FAM3D: variants seen among roughly 807,000 people sequenced by gnomAD.
FAM3D encodes FAM3 metabolism regulating signaling molecule D.
FAM3D carries 26 observed loss-of-function variants against 29.8 expected under a neutral mutation model. That is an observed-to-expected ratio of 0.87 (90% confidence interval 0.64 to 1.21). The LOEUF (loss-of-function observed/expected upper bound fraction) is 1.21. FAM3D is among the 50% of genes most tolerant of loss of function. FAM3D has a pLI of 0.00. For synonymous variants in FAM3D, 115 were observed against 102.3 expected, an observed-to-expected ratio of 1.12 and a Z score of -0.75; for missense variants, 253 against 290.9, an observed-to-expected ratio of 0.87 and a Z score of 0.95.
intron 6 of FAM3D, among the ~76,000 whole-genome samples, chr3:58,640,845 G>T (rs531597494): frequency 6.6e-6 from 1 of 152,260 alleles, no homozygotes; most frequent in South Asian, 2.1e-4. Flanking sequence ...CGAGGCTTAC[G>T]GAGGAGGGTG....
rs149606198 is a variant in FAM3D, at chr3:58,654,579, A to C, written c.14-798T>G. ...CCTTTCTTTACAGGGACCGGAAAGC[A>C]GGCTCCATTTCACATCCCTGCTACC... On this transcript the variant is annotated intron_variant, in intron 2 of 9. Coordinates refer to ENST00000358781, the MANE Select transcript of FAM3D (RefSeq NM_138805.3). Among the ~76,000 whole-genome samples, 399 of 152,268 alleles carry C rather than the reference A, an allele frequency of 2.6e-3. 2 individuals carry two copies. The highest frequency in any genetic ancestry group is 9.1e-3 in the African/African-American group (377 of 41,564).
At chr3:58,653,130 A>G (rs1016477968) in intron 3 of FAM3D, among the ~76,000 whole-genome samples, 6 of 152,228 alleles carry the variant, frequency 3.9e-5, no homozygotes, top group Non-Finnish European at 7.3e-5. Flanking sequence ...CATAAAAACC[A>G]TAATGACAGA....
At chr3:58,664,437 C>T (rs1282618821) in intron 1 of FAM3D, among the ~76,000 whole-genome samples, 1 of 152,246 alleles carries the variant, frequency 6.6e-6, no homozygotes, top group East Asian at 1.9e-4. Context: ...TGCCCAGTTC[C>T]ATGCAGACTG....
chr3:58,648,407 C>T (rs1398995684), intron 4 of FAM3D, among the ~76,000 whole-genome samples: 1 of 152,024 alleles, frequency 6.6e-6, no homozygotes, highest in East Asian at 1.9e-4. Context: ...GGTGCTGCCT[C>T]TTGCAAAGAG....
intron 9 of FAM3D, 61 bp downstream of exon 9, chr3:58,636,233 C>T: frequency 6.3e-7 from 1 of 1,575,222 alleles, no homozygotes; most frequent in Non-Finnish European, 8.6e-7. Flanking sequence ...GTGACTCCTT[C>T]CTACCACCAC....
intron 5 of FAM3D, 27 bp from the exon 6 acceptor site, chr3:58,643,747 C>T (rs772219174): frequency 6.2e-7 from 1 of 1,611,742 alleles, no homozygotes; most frequent in African/African-American, 1.3e-5. Context: ...AGAAATATGA[C>T]AGTCGGTCCC....
chr3:58,643,785 CA>C, intron 5 of FAM3D, 65 bp from the exon 6 acceptor site: 1 of 1,502,492 alleles, frequency 6.7e-7, no homozygotes, highest in Non-Finnish European at 9.3e-7. Flanking sequence ...TCTGCTCTCC[CA>C]GCTGGGGAAC....
At chr3:58,638,440 C>A (rs1437015565) in intron 7 of FAM3D, among the ~76,000 whole-genome samples, 2 of 152,190 alleles carry the variant, frequency 1.3e-5, no homozygotes, top group African/African-American at 4.8e-5. Context: ...TGAGTAACAG[C>A]CCTGCTTATA....
At chr3:58,652,251 C>T (rs1281933110) in intron 3 of FAM3D, among the ~76,000 whole-genome samples, 2 of 152,202 alleles carry the variant, frequency 1.3e-5, no homozygotes, top group Non-Finnish European at 2.9e-5. Context: ...GAAACCACAT[C>T]AAGGATTGTG....
chr3:58,663,019 C>G lies in FAM3D; in HGVS notation c.-39+3557G>C, dbSNP rs111943135. Reference sequence around the variant, plus strand: ...GTTCAAGCGATTCTCCTGCCTCAGCCTCCCCAGTAGCTGGGACTACAGGCA... The same window carrying G: ...GTTCAAGCGATTCTCCTGCCTCAGCGTCCCCAGTAGCTGGGACTACAGGCA... On this transcript the variant is annotated intron_variant, in intron 1 of 9. Coordinates refer to ENST00000358781, the MANE Select transcript of FAM3D (RefSeq NM_138805.3). 3.6e-3 allele frequency among the ~76,000 whole-genome samples: 552 copies of G among 152,342 alleles called. 7 individuals are homozygous for G. The highest frequency in any genetic ancestry group is 0.013 in the African/African-American group (527 of 41,584).
chr3:58,645,457 GAAATA>G lies in FAM3D; in HGVS notation c.263+47_263+51del, dbSNP rs111621495. On this transcript the variant is annotated intron_variant, in intron 5 of 9. Transcript: ENST00000358781. ...CCTCTGAGTTTTTTAATGAATGAATGAAATAAAATAAAATAAAATAAAATAAACAT... is the reference window on the plus strand; with the variant it reads ...CCTCTGAGTTTTTTAATGAATGAATGAAATAAAATAAAATAAAATAAACAT... 1.4e-4 allele frequency: 170 copies of G among 1,189,194 alleles called. 1 individual carries two copies. The highest frequency in any genetic ancestry group is 3.7e-4 in the South Asian group (20 of 54,028). The allele number at this position is 1,189,194 out of a possible 1,614,324, so 73.7% of individuals were successfully genotyped here.
At chr3:58,662,697 C>T (rs1291763772) in intron 1 of FAM3D, among the ~76,000 whole-genome samples, 1 of 152,090 alleles carries the variant, frequency 6.6e-6, no homozygotes, top group African/African-American at 2.4e-5. Context: ...CATCTGTTCC[C>T]CCTTCTTCTG....
At position 58,653,573 on chromosome 3, in the gene FAM3D, T is replaced by C. The variant is rs1020997969; in HGVS notation, c.121+101A>G. On this transcript the variant is annotated intron_variant, in intron 3 of 9. Coordinates refer to ENST00000358781, the MANE Select transcript of FAM3D (RefSeq NM_138805.3). ...GCTGGGGTCCCAAAGGCAGCACAGC[T>C]TGTCATGTCTCCTGGGTCACCTAGG... 40 of 1,138,234 alleles carry C rather than the reference T, an allele frequency of 3.5e-5. No individual in the cohort carries two copies. The South Asian group carries it at 5.0e-4, about 14-fold the overall frequency. The allele number at this position is 1,138,234 out of a possible 1,614,324, so 70.5% of individuals were successfully genotyped here.
intron 8 of FAM3D, among the ~76,000 whole-genome samples, chr3:58,636,743 G>T (rs998270788): frequency 4.1e-5 from 6 of 147,272 alleles, no homozygotes; most frequent in Non-Finnish European, 7.5e-5. Flanking sequence ...CCCTTAGTGT[G>T]ATCAGTGTAT....
At chr3:58,636,646 C>T (rs993086439) in intron 8 of FAM3D, among the ~76,000 whole-genome samples, 3 of 152,174 alleles carry the variant, frequency 2.0e-5, no homozygotes, top group African/African-American at 4.8e-5. Context: ...AACAGTACTG[C>T]TCTATTTACA....
At chr3:58,648,293 C>T (rs1207153727) in intron 4 of FAM3D, among the ~76,000 whole-genome samples, 1 of 152,172 alleles carries the variant, frequency 6.6e-6, no homozygotes, top group African/African-American at 2.4e-5. Context: ...TCACAGTGTA[C>T]TGGGGCACCC....
At chr3:58,656,377 CT>C (rs1256744119) in intron 1 of FAM3D, among the ~76,000 whole-genome samples, 1 of 152,212 alleles carries the variant, frequency 6.6e-6, no homozygotes, top group Non-Finnish European at 1.5e-5. Flanking sequence ...CTGCTGAACA[CT>C]CCCTGAAACC....
At chr3:58,666,399 C>T (rs1251202540) in intron 1 of FAM3D, among the ~76,000 whole-genome samples, 177 bp downstream of exon 1, 1 of 152,196 alleles carries the variant, frequency 6.6e-6, no homozygotes, top group Non-Finnish European at 1.5e-5. Flanking sequence ...ATCTATTTGC[C>T]TTCCTGAGTC....
chr3:58,643,011 G>A (rs986945837), intron 6 of FAM3D, among the ~76,000 whole-genome samples: 4 of 152,078 alleles, frequency 2.6e-5, no homozygotes, highest in African/African-American at 9.7e-5. Context: ...CCTGGCCAGC[G>A]CCCACAATCC....
Sources: allele counts gnomAD v4.1 joint callset (sites outside exome capture counted in the v4.1 genomes callset), GRCh38; gene constraint gnomAD v4.1.1; transcripts MANE v1.5; gene names NCBI Gene and HGNC (gene_info 2026-07-23, HGNC 2026-07-21).